Variants in PC observed in about 807,000 individuals in gnomAD.
The protein encoded by PC is pyruvate carboxylase.
A neutral mutation model predicts 107.8 loss-of-function variants in PC; 46 were observed. That is an observed-to-expected ratio of 0.43 (90% CI 0.34 to 0.55). The LOEUF (loss-of-function observed/expected upper bound fraction) is 0.55, where lower values mean the gene tolerates loss of function less well. PC is among the 20% of genes least tolerant of loss of function. The pLI is 0.04. For missense variants in PC, 1,241 were observed against 1,643.1 expected (o/e 0.76, Z 4.23); for synonymous variants, 662 against 684.7 (o/e 0.97, Z 0.52).
chr11:66,906,887 T>C (rs1373786203), intron 3 of PC, among the ~76,000 whole-genome samples: 1 of 152,096 alleles, frequency 6.6e-6, no homozygotes, highest in African/African-American at 2.4e-5. Context: ...AAAATACGGG[T>C]AGTAACATGT....
At chr11:66,900,319 C>T (rs998340560) in intron 3 of PC, among the ~76,000 whole-genome samples, 2 of 151,596 alleles carry the variant, frequency 1.3e-5, no homozygotes, top group Non-Finnish European at 2.9e-5. Flanking sequence ...GGACTACAGG[C>T]GCCCACCACC....
intron 3 of PC, among the ~76,000 whole-genome samples, chr11:66,876,881 A>G (rs930102889): frequency 1.1e-4 from 17 of 152,230 alleles, no homozygotes; most frequent in Admixed American, 1.1e-3. Flanking sequence ...GGACAAGCAC[A>G]GCAACAAGAC....
chr11:66,909,729 G>A (rs531556914), intron 3 of PC, among the ~76,000 whole-genome samples: 1 of 152,290 alleles, frequency 6.6e-6, no homozygotes, highest in African/African-American at 2.4e-5. Context: ...GCAAATGCCA[G>A]TGCTGAACTA....
At chr11:66,926,232 A>C (rs1365544539) in intron 3 of PC, among the ~76,000 whole-genome samples, 1 of 152,236 alleles carries the variant, frequency 6.6e-6, no homozygotes, top group Non-Finnish European at 1.5e-5. Context: ...CAAATATAAA[A>C]TGTACAGCTC....
Position 66,850,535 on chromosome 11 carries a change from G to T in PC, c.2474-71C>A. The T allele has an allele frequency of 1.9e-6, 3 of 1,610,058 alleles. No homozygotes were observed. The African/African-American group carries it at 4.0e-5, about 21-fold the overall frequency. On this transcript the variant is annotated intron_variant, in intron 18 of 22. Coordinates refer to ENST00000393960, the MANE Select transcript of PC (RefSeq NM_001040716.2). Reference sequence around the variant, plus strand: ...CTTCCAGGACCCAGGGCTAGCTCAGGTCCCATGTCTGACTCAGGTGACAGA... The same window carrying T: ...CTTCCAGGACCCAGGGCTAGCTCAGTTCCCATGTCTGACTCAGGTGACAGA...
At position 66,900,204 on chromosome 11, in the gene PC, G is replaced by A. The variant is rs530535596; in HGVS notation, c.1-28045C>T. Among the ~76,000 whole-genome samples the A allele has an allele frequency of 4.0e-3, 422 of 106,232 alleles. 1 individual carries two copies. Among genetic ancestry groups the A allele is most frequent in the African/African-American group, 0.014 (391 of 27,220 alleles). 69.7% of individuals were successfully genotyped at this position (106,232 alleles called of 152,430 possible). ...TTTTTTTTTTTTTTTTTTTTGAGAC[G>A]GAGTCTTGCTCTGTTGCCCAGGCTG... On this transcript the variant is annotated intron_variant, in intron 3 of 22. Transcript: ENST00000393960.
intron 10 of PC, among the ~76,000 whole-genome samples, chr11:66,868,085 A>G (rs1204968204): frequency 6.6e-6 from 1 of 152,384 alleles, no homozygotes; most frequent in Middle Eastern, 3.4e-3. Flanking sequence ...GCCTGCAGGG[A>G]GCACGCTAGT....
intron 16 of PC, 147 bp from the exon 17 acceptor site, chr11:66,851,427 G>A (rs1565213402): frequency 8.1e-7 from 1 of 1,229,632 alleles, no homozygotes; most frequent in Non-Finnish European, 1.1e-6. Flanking sequence ...CCACAGGCGG[G>A]GGGTGGCCAC....
intron 11 of PC, among the ~76,000 whole-genome samples, chr11:66,865,896 G>A (rs1946472125): frequency 6.6e-6 from 1 of 152,076 alleles, no homozygotes; most frequent in Non-Finnish European, 1.5e-5. Flanking sequence ...GAGGGTCAGG[G>A]GCTGGCTTTG....
rs373105398 is a variant in PC, at chr11:66,871,837, C to T, written c.171G>A (p.Thr57=). The change falls in exon 5 of 23, where the codon ACG becomes ACA. Residue 57 remains threonine (T), a synonymous_variant. Transcript: ENST00000393960. This position sits in a 1 kb window ranked among gnomAD's most constrained non-coding sequence, Gnocchi z 7.4. ...TGGCTACGGTGCGGATGCCCAGCTC[C>T]GTGCAGGCCCGGAACACACGGATGG... The part of the protein sequence containing the change: ...EIAIRVFRAC[T]ELGIRTVAIY... The T allele has an allele frequency of 2.4e-5, 39 of 1,608,696 alleles. No individual in the cohort carries two copies. The highest frequency in any genetic ancestry group is 3.3e-5 in the Admixed American group (2 of 59,862).
chr11:66,886,633 A>G (rs1947372954), intron 3 of PC, among the ~76,000 whole-genome samples: 1 of 152,178 alleles, frequency 6.6e-6, no homozygotes, highest in Admixed American at 6.5e-5. Flanking sequence ...TGGCATCAAC[A>G]GCACCCATTA....
At chr11:66,872,690 G>A (rs1409696709) in intron 3 of PC, among the ~76,000 whole-genome samples, 3 of 151,886 alleles carry the variant, frequency 2.0e-5, no homozygotes, top group Admixed American at 6.6e-5. Flanking sequence ...AGCCGAGATC[G>A]TGCCACTGTA....
intron 3 of PC, among the ~76,000 whole-genome samples, chr11:66,936,052 A>G (rs1948993872): frequency 6.8e-6 from 1 of 147,758 alleles, no homozygotes; most frequent in African/African-American, 2.5e-5. Flanking sequence ...GCACTCCAGC[A>G]TGAGTGACAG....
chr11:66,896,354 C>T (rs1947760101), intron 3 of PC, among the ~76,000 whole-genome samples: 1 of 152,248 alleles, frequency 6.6e-6, no homozygotes, highest in Non-Finnish European at 1.5e-5. Context: ...GCTGGGATTA[C>T]AGGCATGAGC....
chr11:66,866,162 C>T lies in PC; in HGVS notation c.1185+25G>A, dbSNP rs771982406. On this transcript the variant is annotated intron_variant, in intron 11 of 22. Transcript: ENST00000393960. The surrounding 1 kb of genome is among the most constrained non-coding windows in gnomAD (Gnocchi z 5.4). ...AACCTGTGCACAGGTGAGCTGGCATCTCCCTCTGCTCGAGCTCCGCCCACC... is the reference window on the plus strand; with the variant it reads ...AACCTGTGCACAGGTGAGCTGGCATTTCCCTCTGCTCGAGCTCCGCCCACC... 1.9e-6 allele frequency: 3 copies of T among 1,600,882 alleles called. No individual in the cohort carries two copies. Among genetic ancestry groups the T allele is most frequent in the African/African-American group, 1.3e-5 (1 of 74,826 alleles).
intron 3 of PC, among the ~76,000 whole-genome samples, chr11:66,942,242 CA>C (rs1018423822): frequency 2.0e-5 from 3 of 146,518 alleles, no homozygotes; most frequent in Admixed American, 2.0e-4. Flanking sequence ...ACTAAATATA[CA>C]AAAAAAATTA....
intron 12 of PC, among the ~76,000 whole-genome samples, chr11:66,859,356 C>T (rs766271380): frequency 1.3e-5 from 2 of 152,168 alleles, no homozygotes; most frequent in Non-Finnish European, 2.9e-5. Context: ...CAGCAGGTGG[C>T]GGTTGGGTCT....
intron 3 of PC, among the ~76,000 whole-genome samples, chr11:66,875,376 G>A (rs1337906003): frequency 6.6e-6 from 1 of 152,102 alleles, no homozygotes; most frequent in Non-Finnish European, 1.5e-5. Context: ...CTATAAGAAG[G>A]GCAAGACAGA....
intron 3 of PC, among the ~76,000 whole-genome samples, chr11:66,895,852 G>T (rs1947741481): frequency 6.6e-6 from 1 of 152,172 alleles, no homozygotes; most frequent in Non-Finnish European, 1.5e-5. Context: ...TTTCCACACT[G>T]GAAGGACTTG....
Sources: allele counts gnomAD v4.1 joint callset (sites outside exome capture counted in the v4.1 genomes callset), GRCh38; gene constraint gnomAD v4.1.1; non-coding constraint Gnocchi (gnomAD v3.1); transcripts MANE v1.5; gene names NCBI Gene and HGNC (gene_info 2026-07-23, HGNC 2026-07-21).